LRRC36: variants seen among roughly 807,000 people sequenced by gnomAD.
LRRC36 encodes leucine-rich repeat-containing protein 36.
Under a neutral mutation model 81.1 loss-of-function variants are expected in LRRC36, and 62 were observed. That is an observed-to-expected ratio of 0.76 (90% CI 0.62 to 0.94). The LOEUF is 0.94. Among genes scored for constraint, LRRC36 ranks in the 40% least tolerant of loss-of-function variants. LRRC36 has a pLI of 0.00. For synonymous variants in LRRC36, 334 were observed against 348.6 expected (o/e 0.96, Z 0.47); for missense variants, 761 against 881.7 (o/e 0.86, Z 1.73).
intron 2 of LRRC36, among the ~76,000 whole-genome samples, chr16:67,343,878 G>A (rs2038217821): frequency 6.6e-6 from 1 of 151,804 alleles, no homozygotes; most frequent in Non-Finnish European, 1.5e-5. Flanking sequence ...GTGCAGTAGT[G>A]TGATCTTGGC....
intron 10 of LRRC36, among the ~76,000 whole-genome samples, chr16:67,375,744 G>A (rs1290299303): frequency 6.6e-6 from 1 of 152,114 alleles, no homozygotes; most frequent in Admixed American, 6.6e-5. Flanking sequence ...CCTTGGGAAA[G>A]TGCCAATAAT....
At chr16:67,352,580 T>C (rs1028877764) in intron 5 of LRRC36, among the ~76,000 whole-genome samples, 1 of 152,104 alleles carries the variant, frequency 6.6e-6, no homozygotes, top group Non-Finnish European at 1.5e-5. Flanking sequence ...CTCTCCTGTT[T>C]TTTCTCTTTG....
intron 1 of LRRC36, among the ~76,000 whole-genome samples, chr16:67,340,634 C>A (rs576488853): frequency 6.6e-6 from 1 of 151,068 alleles, no homozygotes; most frequent in Non-Finnish European, 1.5e-5. Context: ...CCAGCTTGGG[C>A]GAAAGAGCAA....
intron 12 of LRRC36, among the ~76,000 whole-genome samples, chr16:67,379,161 C>T (rs527549870): frequency 6.6e-6 from 1 of 152,078 alleles, no homozygotes; most frequent in African/African-American, 2.4e-5. Flanking sequence ...CAGTGGCTCA[C>T]ACCTGCAATC....
chr16:67,372,379 A>C (rs2039687727), intron 9 of LRRC36, among the ~76,000 whole-genome samples: 1 of 152,100 alleles, frequency 6.6e-6, no homozygotes, highest in Admixed American at 6.5e-5. Context: ...AATAAAATAA[A>C]ATAAAATATC....
At position 67,378,685 on chromosome 16, in the gene LRRC36, G is replaced by A. The variant is rs139328142; in HGVS notation, c.1903G>A (p.Val635Met). 2,714 of 1,614,086 alleles carry A rather than the reference G, an allele frequency of 1.7e-3. 4 individuals carry two copies. The highest frequency in any genetic ancestry group is 4.8e-3 in the Middle Eastern group (29 of 6,062). ...GGAGGAAGGTGCTGCCATCTCAATT[G>A]TGAGTGGGCAACAGTCACATACTTA... is the stretch of plus-strand genomic sequence containing the variant. ...QLEEGAAISI[V>M]SGQQSHTYDD... is the part of the protein sequence containing the mutation. The change falls in exon 12 of 14, where the codon GTG (valine) becomes ATG (methionine). Residue 635 changes from valine to methionine, a missense_variant. Transcript: ENST00000329956.
intron 13 of LRRC36, among the ~76,000 whole-genome samples, chr16:67,384,628 G>T (rs563609652): frequency 1.1e-4 from 16 of 152,108 alleles, no homozygotes; most frequent in African/African-American, 3.4e-4. Context: ...CAGAACAACC[G>T]CTAGCTATAT....
intron 7 of LRRC36, among the ~76,000 whole-genome samples, chr16:67,365,840 A>AT (rs2039359198): frequency 6.6e-6 from 1 of 152,124 alleles, no homozygotes. Context: ...TATGAATTTT[A>AT]ATTCTCTATA....
chr16:67,384,954 T>G lies in LRRC36; in HGVS notation c.2130T>G (p.Pro710=), dbSNP rs747394935. Residue 710 remains proline, a synonymous_variant, in exon 14 of 14, where the codon CCT becomes CCG. Coordinates refer to ENST00000329956, the MANE Select transcript of LRRC36 (RefSeq NM_018296.6). Reference sequence around the variant, plus strand: ...ATTCCGGGAAAGCGCTCCTGCCTCCTGAGAAGGGTCATCATCTGGGGAGAT... The same window carrying G: ...ATTCCGGGAAAGCGCTCCTGCCTCCGGAGAAGGGTCATCATCTGGGGAGAT... ...KGYSGKALLP[P]EKGHHLGRSS... 1.4e-5 allele frequency: 22 copies of G among 1,614,086 alleles called. No homozygotes were observed. The East Asian group carries it at 4.9e-4, about 36-fold the overall frequency.
chr16:67,360,947 C>T (rs1033619376), intron 5 of LRRC36, among the ~76,000 whole-genome samples: 1 of 152,110 alleles, frequency 6.6e-6, no homozygotes, highest in Non-Finnish European at 1.5e-5. Context: ...TTCAAGTCCC[C>T]CCAGAAGACC....
intron 1 of LRRC36, among the ~76,000 whole-genome samples, chr16:67,332,366 A>C (rs2037536562): frequency 6.6e-6 from 1 of 152,042 alleles, no homozygotes; most frequent in Admixed American, 6.6e-5. Context: ...ACCCTGGCTA[A>C]CATGATGAAA....
In LRRC36 at chr16:67,367,104, A is replaced by G; in HGVS notation, c.842A>G (p.Asn281Ser). The change falls in exon 8 of 14, where the codon AAT becomes AGT. Residue 281 changes from asparagine (N) to serine (S), a missense_variant. Asn to Ser is a conservative substitution (Grantham distance 46). Coordinates refer to ENST00000329956, the MANE Select transcript of LRRC36 (RefSeq NM_018296.6). ...REGYQVSFLDNKSSGSSPEKE... is the reference protein window; with the variant it reads ...REGYQVSFLDSKSSGSSPEKE... ...GGGTACCAAGTATCTTTTTTGGACA[A>G]TAAGTCTTCAGGTTCTTCTCCAGAA... 9 of 1,614,198 alleles carry G rather than the reference A, an allele frequency of 5.6e-6. No individual in the cohort carries two copies. Among genetic ancestry groups the G allele is most frequent in the African/African-American group, 1.3e-5 (1 of 75,058 alleles).
At chr16:67,348,839 T>C (rs1163765319) in intron 4 of LRRC36, among the ~76,000 whole-genome samples, 1 of 152,208 alleles carries the variant, frequency 6.6e-6, no homozygotes, top group African/African-American at 2.4e-5. Context: ...AATAATGTAT[T>C]GAATGATGAA....
intron 9 of LRRC36, among the ~76,000 whole-genome samples, chr16:67,373,707 C>CAAAAA (rs552146686): frequency 2.8e-5 from 1 of 35,398 alleles, no homozygotes; most frequent in Non-Finnish European, 6.9e-5. Flanking sequence ...GACTCTGTCT[C>CAAAAA]AAAAAAAAAA....
intron 1 of LRRC36, among the ~76,000 whole-genome samples, chr16:67,340,634 C>T (rs576488853): frequency 5.3e-5 from 8 of 151,068 alleles, no homozygotes; most frequent in Non-Finnish European, 8.8e-5. Context: ...CCAGCTTGGG[C>T]GAAAGAGCAA....
At chr16:67,331,113 G>GAGAGAGAGAGAGAGAGAGAA (rs1567462464) in intron 1 of LRRC36, among the ~76,000 whole-genome samples, 23 of 136,228 alleles carry the variant, frequency 1.7e-4, no homozygotes, top group African/African-American at 5.9e-4. Context: ...GAGAGAGAGA[G>GAGAGAGAGAGAGAGAGAGAA]AAGACTGAAC....
At position 67,341,367 on chromosome 16, in the gene LRRC36, T is replaced by G. The variant is rs550132912; in HGVS notation, c.71-590T>G. Among the ~76,000 whole-genome samples the G allele has an allele frequency of 3.2e-3, 485 of 150,488 alleles. 1 individual carries two copies. Among genetic ancestry groups the G allele is most frequent in the Non-Finnish European group, 5.6e-3 (382 of 67,640 alleles). ...TTGTACATATGCATTAATTTAATTCTTGTAACACCTTATGAATTGAGTACC... is the reference window on the plus strand; with the variant it reads ...TTGTACATATGCATTAATTTAATTCGTGTAACACCTTATGAATTGAGTACC... On this transcript the variant is annotated intron_variant, in intron 1 of 13. Coordinates refer to ENST00000329956, the MANE Select transcript of LRRC36 (RefSeq NM_018296.6).
intron 5 of LRRC36, 128 bp downstream of exon 5, chr16:67,350,418 G>T: frequency 2.5e-6 from 2 of 791,046 alleles, no homozygotes; most frequent in Non-Finnish European, 4.2e-6. Context: ...CAGGTTTACT[G>T]GCTGTGTTTT....
In LRRC36 at chr16:67,363,720, G is replaced by A. The variant is rs1473001589; in HGVS notation, c.702+6G>A. ...CCTTCCCACTGGGGACACAGGTAATGTATTCACTCTCCTGCTGATCTGTTG... is the reference window on the plus strand; with the variant it reads ...CCTTCCCACTGGGGACACAGGTAATATATTCACTCTCCTGCTGATCTGTTG... On this transcript the variant is annotated splice_donor_region_variant and intron_variant, in intron 6 of 13. Transcript: ENST00000329956. The A allele has an allele frequency of 1.6e-5, 26 of 1,613,292 alleles. No individual in the cohort carries two copies. The highest frequency in any genetic ancestry group is 1.6e-4 in the Middle Eastern group (1 of 6,078).
Sources: allele counts gnomAD v4.1 joint callset (sites outside exome capture counted in the v4.1 genomes callset), GRCh38; gene constraint gnomAD v4.1.1; transcripts MANE v1.5; gene names NCBI Gene and HGNC (gene_info 2026-07-23, HGNC 2026-07-21).